The following WDR72 variants were observed in gnomAD, a reference collection of about 807,000 sequenced individuals.
WDR72 encodes the protein WD repeat domain 72, also known as WD repeat-containing protein 72.
A neutral mutation model predicts 124.2 loss-of-function variants in WDR72; 120 were observed. That is an observed-to-expected ratio of 0.97 (90% CI 0.83 to 1.12). The LOEUF (loss-of-function observed/expected upper bound fraction) is 1.12. Ranked by LOEUF, WDR72 falls within the 50% of genes most tolerant of loss-of-function variation. WDR72 has a pLI of 0.00. For missense variants in WDR72, 1,387 were observed against 1,278.8 expected (o/e 1.08, Z -1.29); for synonymous variants, 452 against 441.7 (o/e 1.02, Z -0.29).
chr15:53,613,084 G>A (rs780630857), intron 16 of WDR72, among the ~76,000 whole-genome samples: 1 of 152,042 alleles, frequency 6.6e-6, no homozygotes, highest in Non-Finnish European at 1.5e-5. Context: ...ATTGGTGATT[G>A]GAAGGATAGA....
chr15:53,636,467 C>A (rs530736236), intron 14 of WDR72, among the ~76,000 whole-genome samples: 1 of 152,046 alleles, frequency 6.6e-6, no homozygotes, highest in Non-Finnish European at 1.5e-5. Flanking sequence ...TAAATTAAAT[C>A]GGGAGGAACA....
chr15:53,751,870 T>A (rs2018783044), intron 1 of WDR72, among the ~76,000 whole-genome samples: 1 of 152,178 alleles, frequency 6.6e-6, no homozygotes, highest in South Asian at 2.1e-4. Flanking sequence ...CTGTGTTGGA[T>A]TTTTATCAAT....
At chr15:53,609,724 C>T (rs2013452757) in intron 16 of WDR72, 132 bp from the exon 17 acceptor site, 3 of 747,140 alleles carry the variant, frequency 4.0e-6, no homozygotes. Flanking sequence ...GTTCAATCTT[C>T]CAGAGATTTT....
At chr15:53,640,690 C>A (rs922712397) in intron 14 of WDR72, among the ~76,000 whole-genome samples, 2 of 152,026 alleles carry the variant, frequency 1.3e-5, no homozygotes, top group Admixed American at 6.6e-5. Flanking sequence ...GTAAGTTATT[C>A]TTTTGTCATG....
chr15:53,707,519 T>C (rs2017415853), intron 9 of WDR72, among the ~76,000 whole-genome samples: 1 of 152,046 alleles, frequency 6.6e-6, no homozygotes, highest in African/African-American at 2.4e-5. Context: ...TGATCTCGGC[T>C]CACTGCAAGC....
chr15:53,716,679 C>T lies in WDR72; in HGVS notation c.267G>A (p.Met89Ile). ...YIVSAAENGE[M>I]CVWNVTNGQC... ...GTCCATTGGTGACATTCCAAACACA[C>T]ATCTCCCTAGCAGAAGATAACTTTG... The change falls in exon 4 of 20, where the codon ATG (methionine) becomes ATA (isoleucine). Residue 89 changes from methionine (M) to isoleucine (I), a missense_variant. Coordinates refer to ENST00000360509, the MANE Select transcript of WDR72 (RefSeq NM_182758.4). 1 of 1,586,412 alleles carries T rather than the reference C, an allele frequency of 6.3e-7. No individual in the cohort carries two copies. The highest frequency in any genetic ancestry group is 1.7e-5 in the Admixed American group (1 of 58,134).
intron 17 of WDR72, among the ~76,000 whole-genome samples, chr15:53,605,178 G>A (rs564436468): frequency 2.0e-5 from 3 of 152,314 alleles, no homozygotes; most frequent in South Asian, 2.1e-4. Flanking sequence ...ACAAGATCAC[G>A]TGCTTTGCAC....
chr15:53,553,596 AT>A (rs1893821363), intron 18 of WDR72, among the ~76,000 whole-genome samples: 1 of 152,094 alleles, frequency 6.6e-6, no homozygotes, highest in Non-Finnish European at 1.5e-5. Flanking sequence ...TTCCTTTATT[AT>A]TTTAGCACTG....
chr15:53,643,858 T>C (rs2014945384), intron 14 of WDR72, among the ~76,000 whole-genome samples: 1 of 152,160 alleles, frequency 6.6e-6, no homozygotes, highest in South Asian at 2.1e-4. Context: ...TACATTTTCA[T>C]AGAATCACAA....
At chr15:53,591,610 T>C (rs551725128) in intron 18 of WDR72, among the ~76,000 whole-genome samples, 20 of 151,954 alleles carry the variant, frequency 1.3e-4, no homozygotes, top group African/African-American at 4.6e-4. Context: ...ATGTCCATTA[T>C]AAAATACACA....
At chr15:53,609,455 T>TA in intron 17 of WDR72, 58 bp downstream of exon 17, 1 of 1,474,784 alleles carries the variant, frequency 6.8e-7, no homozygotes, top group Non-Finnish European at 9.5e-7. Context: ...GGGGTATCCA[T>TA]GAACCACAGC....
chr15:53,659,266 T>G (rs1301699212), intron 14 of WDR72, among the ~76,000 whole-genome samples: 2 of 152,116 alleles, frequency 1.3e-5, no homozygotes, highest in Admixed American at 1.3e-4. Flanking sequence ...TCGAGGGAAC[T>G]TGACAACATT....
intron 14 of WDR72, among the ~76,000 whole-genome samples, chr15:53,632,716 G>T (rs951939893): frequency 6.6e-6 from 1 of 152,192 alleles, no homozygotes; most frequent in East Asian, 1.9e-4. Context: ...CCCTTGCACC[G>T]GTGTGCCCTG....
intron 14 of WDR72, among the ~76,000 whole-genome samples, chr15:53,634,274 C>T (rs1326476069): frequency 6.6e-6 from 1 of 152,116 alleles, no homozygotes; most frequent in Non-Finnish European, 1.5e-5. Flanking sequence ...CAGTGAATTC[C>T]CTGGGTTTTC....
intron 14 of WDR72, among the ~76,000 whole-genome samples, chr15:53,648,822 A>C (rs1417961809): frequency 6.6e-6 from 1 of 151,998 alleles, no homozygotes; most frequent in Non-Finnish European, 1.5e-5. Flanking sequence ...ACCATACCAC[A>C]ATAACTTCTC....
intron 18 of WDR72, among the ~76,000 whole-genome samples, chr15:53,575,243 G>T (rs17662369): frequency 0.12 from 18,981 of 151,884 alleles, 1,461 homozygotes; most frequent in African/African-American, 0.21. Flanking sequence ...AAAACTCTCA[G>T]GTGTAAATGT....
chr15:53,751,622 T>C (rs530111909), intron 1 of WDR72, among the ~76,000 whole-genome samples: 26 of 152,304 alleles, frequency 1.7e-4, no homozygotes, highest in Admixed American at 3.3e-4. Context: ...GAACCCACCA[T>C]ATCTCCAAGA....
chr15:53,626,611 G>A (rs983750497), intron 14 of WDR72, among the ~76,000 whole-genome samples: 1 of 152,210 alleles, frequency 6.6e-6, no homozygotes, highest in Non-Finnish European at 1.5e-5. Flanking sequence ...CAGTTGCTGG[G>A]CTCAAATGCC....
At chr15:53,711,931 A>C (rs921808845) in intron 7 of WDR72, among the ~76,000 whole-genome samples, 1 of 152,224 alleles carries the variant, frequency 6.6e-6, no homozygotes, top group Non-Finnish European at 1.5e-5. Flanking sequence ...GTTATAAAAA[A>C]CTTTAAAGAA....
Sources: gnomAD v4.1 joint callset for allele counts (sites outside exome capture counted in the v4.1 genomes callset) on GRCh38, gnomAD v4.1.1 for gene constraint, MANE v1.5 for transcripts, NCBI Gene and HGNC (gene_info 2026-07-23, HGNC 2026-07-21) for gene names.